HECW1: variants seen among roughly 807,000 people sequenced by gnomAD.
HECW1 encodes the protein E3 ubiquitin-protein ligase HECW1.
In HECW1, 61 loss-of-function variants were observed where a neutral mutation model predicts 182.3. The ratio of observed to expected loss-of-function variants is 0.33; its 90% CI spans 0.27 to 0.41. The LOEUF (loss-of-function observed/expected upper bound fraction) is 0.41, where lower values mean the gene tolerates loss of function less well. Among genes scored for constraint, HECW1 ranks in the 10% least tolerant of loss-of-function variants. The pLI, the probability that HECW1 is intolerant of heterozygous loss-of-function variation, is 1.00. For missense variants in HECW1, 1,739 were observed against 2,108.9 expected, an observed-to-expected ratio of 0.82 and a Z score of 3.44; for synonymous variants, 859 against 832.6, an observed-to-expected ratio of 1.03 and a Z score of -0.55.
intron 6 of HECW1, among the ~76,000 whole-genome samples, chr7:43,378,197 C>G (rs937528193): frequency 1.3e-5 from 2 of 152,190 alleles, no homozygotes; most frequent in African/African-American, 4.8e-5. Context: ...CTAATCTAAT[C>G]ATCTTCTTTG....
Position 43,346,965 on chromosome 7 carries a change from G to A in HECW1, c.461-13921G>A, listed in dbSNP as rs542350310. ...TGTTCTTTTTGCTTAATCTTGCATTGGCTATGTGGGCTCTTTTCTGGTTCC... is the reference window on the plus strand; with the variant it reads ...TGTTCTTTTTGCTTAATCTTGCATTAGCTATGTGGGCTCTTTTCTGGTTCC... On this transcript the variant is annotated intron_variant, in intron 5 of 29. Transcript: ENST00000395891. Among the ~76,000 whole-genome samples, 79 of 152,218 alleles carry A rather than the reference G, an allele frequency of 5.2e-4. 1 individual carries two copies. The highest frequency in any genetic ancestry group is 1.9e-3 in the African/African-American group (77 of 41,528).
chr7:43,488,474 A>AAG (rs1563046531), intron 17 of HECW1, among the ~76,000 whole-genome samples: 12 of 147,046 alleles, frequency 8.2e-5, no homozygotes, highest in African/African-American at 2.6e-4. Context: ...GAAAGAAAGA[A>AAG]AGAAAGAAAG....
intron 2 of HECW1, among the ~76,000 whole-genome samples, chr7:43,180,947 CCTAT>C (rs1400241337): frequency 3.3e-5 from 5 of 152,138 alleles, no homozygotes; most frequent in Non-Finnish European, 5.9e-5. Context: ...ACTTATTCCT[CCTAT>C]CTAACTGTAA....
chr7:43,504,261 AACCACTT>A (rs2079487685), intron 21 of HECW1, among the ~76,000 whole-genome samples: 1 of 152,068 alleles, frequency 6.6e-6, no homozygotes, highest in Non-Finnish European at 1.5e-5. Flanking sequence ...CCCCTGCCTC[AACCACTT>A]ACTCCCAAAA....
chr7:43,458,524 G>C (rs925142386), intron 13 of HECW1, among the ~76,000 whole-genome samples: 2 of 152,186 alleles, frequency 1.3e-5, no homozygotes, highest in African/African-American at 4.8e-5. Flanking sequence ...TTGCTGAATA[G>C]GAAGTTGCAT....
intron 14 of HECW1, 26 bp downstream of exon 14, chr7:43,463,825 C>A: frequency 6.2e-7 from 1 of 1,610,566 alleles, no homozygotes; most frequent in Non-Finnish European, 8.5e-7. Context: ...TCCCCACAAC[C>A]TGTGATGGCT....
At chr7:43,166,883 C>T (rs944639149) in intron 2 of HECW1, among the ~76,000 whole-genome samples, 2 of 152,196 alleles carry the variant, frequency 1.3e-5, no homozygotes, top group Admixed American at 1.3e-4. Flanking sequence ...ATGACAGGTG[C>T]TCCTGGAGAG....
intron 6 of HECW1, among the ~76,000 whole-genome samples, chr7:43,394,364 G>A (rs1375096105): frequency 2.0e-5 from 3 of 152,194 alleles, no homozygotes; most frequent in Admixed American, 6.5e-5. Context: ...TGTGAAGAAG[G>A]CTAATTGTTG....
chr7:43,415,051 G>A (rs2075942513), intron 8 of HECW1, among the ~76,000 whole-genome samples: 1 of 151,636 alleles, frequency 6.6e-6, no homozygotes, highest in Non-Finnish European at 1.5e-5. Flanking sequence ...ATTGTTATGT[G>A]TGAATTTGAT....
chr7:43,422,783 G>A lies in HECW1; in HGVS notation c.801+15052G>A, dbSNP rs74323979. 9.4e-3 allele frequency among the ~76,000 whole-genome samples: 1,436 copies of A among 152,252 alleles called. 17 individuals carry two copies. Among genetic ancestry groups the A allele is most frequent in the African/African-American group, 0.032 (1,344 of 41,542 alleles). ...AACAACACCATGAGTAAATGAGAAT[G>A]AGACTTATTAGAAAGGGAAATTGCC... On this transcript the variant is annotated intron_variant, in intron 8 of 29. Transcript: ENST00000395891.
chr7:43,558,123 A>G (rs1410595374), intron 29 of HECW1, among the ~76,000 whole-genome samples: 1 of 152,128 alleles, frequency 6.6e-6, no homozygotes, highest in Non-Finnish European at 1.5e-5. Context: ...ATCTGGAAAG[A>G]GCTTAAGGAG....
intron 12 of HECW1, among the ~76,000 whole-genome samples, chr7:43,454,791 A>G (rs2077344857): frequency 6.6e-6 from 1 of 152,256 alleles, no homozygotes; most frequent in African/African-American, 2.4e-5. Context: ...ATAAGTTTTC[A>G]ATGAAACTGT....
chr7:43,461,593 C>G (rs948705234), intron 13 of HECW1, among the ~76,000 whole-genome samples: 2 of 152,192 alleles, frequency 1.3e-5, no homozygotes, highest in Non-Finnish European at 2.9e-5. Context: ...CCCTGCTTTC[C>G]TGCCATGGCT....
At chr7:43,414,671 G>C (rs2075927433) in intron 8 of HECW1, among the ~76,000 whole-genome samples, 1 of 149,782 alleles carries the variant, frequency 6.7e-6, no homozygotes. Context: ...ATGAAGGGTT[G>C]TTGAATTTTG....
chr7:43,359,148 A>T (rs1815546496), intron 5 of HECW1, among the ~76,000 whole-genome samples: 1 of 152,174 alleles, frequency 6.6e-6, no homozygotes, highest in African/African-American at 2.4e-5. Flanking sequence ...CCTAAAGAAG[A>T]CTACTGTAAT....
chr7:43,252,387 CCA>C, intron 3 of HECW1, among the ~76,000 whole-genome samples: 2 of 152,206 alleles, frequency 1.3e-5, no homozygotes, highest in South Asian at 4.1e-4. Context: ...GTACTTACAC[CCA>C]AGAACTGGCA....
intron 12 of HECW1, among the ~76,000 whole-genome samples, chr7:43,452,403 A>G (rs192142815): frequency 2.0e-5 from 3 of 152,348 alleles, no homozygotes; most frequent in East Asian, 1.9e-4. Flanking sequence ...GCCACTTTCA[A>G]TAATGAGAAC....
At chr7:43,276,298 C>T (rs972520747) in intron 3 of HECW1, among the ~76,000 whole-genome samples, 4 of 152,140 alleles carry the variant, frequency 2.6e-5, no homozygotes, top group African/African-American at 9.7e-5. Context: ...CTCATAAGCT[C>T]TTTGTGTGTG....
At chr7:43,192,609 C>T (rs763366179) in intron 2 of HECW1, among the ~76,000 whole-genome samples, 6 of 152,014 alleles carry the variant, frequency 3.9e-5, no homozygotes, top group Admixed American at 6.6e-5. Flanking sequence ...TAATAACTTA[C>T]GCGTGCTTAT....
Sources: allele counts gnomAD v4.1 joint callset (sites outside exome capture counted in the v4.1 genomes callset), GRCh38; gene constraint gnomAD v4.1.1; transcripts MANE v1.5; gene names NCBI Gene and HGNC (gene_info 2026-07-23, HGNC 2026-07-21).